INSR: variants seen among roughly 807,000 people sequenced by gnomAD.
INSR encodes the protein insulin receptor, also known as IR.
In INSR, 67 loss-of-function variants were observed where a neutral mutation model predicts 142.6. The observed-to-expected ratio is 0.47, with a 90% CI of 0.39 to 0.58. The LOEUF (loss-of-function observed/expected upper bound fraction) is 0.58. Among genes scored for constraint, INSR ranks in the 20% least tolerant of loss-of-function variants. INSR has a pLI of 0.00. For synonymous variants in INSR, 756 were observed against 743.1 expected, an observed-to-expected ratio of 1.02 and a Z score of -0.28; for missense variants, 1,248 against 1,833.2, an observed-to-expected ratio of 0.68 and a Z score of 5.83.
At chr19:7,243,234 G>GTT (rs1161289283) in intron 2 of INSR, among the ~76,000 whole-genome samples, 15,193 of 68,314 alleles carry the variant, frequency 0.22, 4,192 homozygotes, top group Non-Finnish European at 0.26. Flanking sequence ...CACTGTTTTG[G>GTT]TTTTTTTTTT....
intron 9 of INSR, among the ~76,000 whole-genome samples, chr19:7,162,326 CAAAAAA>C (rs34182944): frequency 4.8e-5 from 3 of 63,098 alleles, no homozygotes; most frequent in South Asian, 5.1e-4. Flanking sequence ...GACCCTGTCT[CAAAAAA>C]AAAAAAAAAA....
chr19:7,153,331 C>CAA (rs1186813419), intron 9 of INSR, among the ~76,000 whole-genome samples: 25 of 100,410 alleles, frequency 2.5e-4, no homozygotes, highest in East Asian at 1.3e-3. Flanking sequence ...ACCACACACA[C>CAA]CCACGCCACA....
At chr19:7,283,954 T>C (rs368869277) in intron 1 of INSR, among the ~76,000 whole-genome samples, 4 of 152,224 alleles carry the variant, frequency 2.6e-5, no homozygotes, top group Admixed American at 1.3e-4. Context: ...GAATCTATAT[T>C]GTTGATTCAT....
rs544455281 is a variant in INSR, at chr19:7,250,001, T to A, written c.652+17344A>T. Reference sequence around the variant, plus strand: ...AGCCAGACTCTGTCTCAAAAAAAAATAAAATAAAATAACTGGGCATGGTGA... The same window carrying A: ...AGCCAGACTCTGTCTCAAAAAAAAAAAAAATAAAATAACTGGGCATGGTGA... On this transcript the variant is annotated intron_variant, in intron 2 of 21. Coordinates refer to ENST00000302850, the MANE Select transcript of INSR (RefSeq NM_000208.4). 4.8e-5 allele frequency among the ~76,000 whole-genome samples: 7 copies of A among 147,152 alleles called. No individual in the cohort carries two copies. The East Asian group carries it at 8.7e-4, about 18-fold the overall frequency.
At chr19:7,271,702 A>G (rs1231025754) in intron 1 of INSR, among the ~76,000 whole-genome samples, 1 of 152,192 alleles carries the variant, frequency 6.6e-6, no homozygotes, top group African/African-American at 2.4e-5. Context: ...ACAAATGTCT[A>G]TAGCAGCATT....
At chr19:7,144,606 G>C (rs1426936868) in intron 11 of INSR, among the ~76,000 whole-genome samples, 1 of 151,764 alleles carries the variant, frequency 6.6e-6, no homozygotes, top group Non-Finnish European at 1.5e-5. Context: ...GTTTCGCCAT[G>C]TTGGCCAGGC....
chr19:7,196,141 G>A (rs567534112), intron 2 of INSR, among the ~76,000 whole-genome samples: 13 of 151,050 alleles, frequency 8.6e-5, no homozygotes, highest in African/African-American at 3.2e-4. Flanking sequence ...CTCCAAGTTG[G>A]TCAGGCTGGT....
chr19:7,286,089 C>A (rs1475594633), intron 1 of INSR, among the ~76,000 whole-genome samples: 1 of 142,702 alleles, frequency 7.0e-6, no homozygotes, highest in Non-Finnish European at 1.5e-5. Context: ...AGGTGATCCT[C>A]CCACCTCAGC....
rs922734048 is a variant in INSR, at chr19:7,208,930, G to A, written c.653-24293C>T. Among the ~76,000 whole-genome samples the A allele has an allele frequency of 3.3e-5, 5 of 152,228 alleles. No homozygotes were observed. In the East Asian group the frequency reaches 9.7e-4, roughly 29 times the overall value. On this transcript the variant is annotated intron_variant, in intron 2 of 21. Coordinates refer to ENST00000302850, the MANE Select transcript of INSR (RefSeq NM_000208.4). ...AAGCAGGAGAATCGCTTGAACAGGGGAGTTGGAAGTTGCAGTGAGCCAAGA... is the reference window on the plus strand; with the variant it reads ...AAGCAGGAGAATCGCTTGAACAGGGAAGTTGGAAGTTGCAGTGAGCCAAGA...
intron 16 of INSR, among the ~76,000 whole-genome samples, chr19:7,126,150 C>T (rs1376245514): frequency 6.6e-6 from 1 of 152,198 alleles, no homozygotes; most frequent in Non-Finnish European, 1.5e-5. Context: ...GCTAGATGGA[C>T]AGAGTGAGGC....
chr19:7,237,424 G>C (rs1976194886), intron 2 of INSR, among the ~76,000 whole-genome samples: 1 of 152,122 alleles, frequency 6.6e-6, no homozygotes, highest in South Asian at 2.1e-4. Flanking sequence ...GGCTGAGGCA[G>C]AAGAATCGCT....
At chr19:7,156,445 G>A (rs377702683) in intron 9 of INSR, among the ~76,000 whole-genome samples, 28 of 152,204 alleles carry the variant, frequency 1.8e-4, no homozygotes, top group East Asian at 1.5e-3. Context: ...GGGTGATTTT[G>A]TCTCCTACTA....
rs114637271 is a variant in INSR at position 7,194,747 on chromosome 19, G to A, written c.653-10110C>T. 3.5e-3 allele frequency among the ~76,000 whole-genome samples: 525 copies of A among 149,256 alleles called. 5 individuals carry two copies. Among genetic ancestry groups the A allele is most frequent in the African/African-American group, 0.012 (493 of 40,466 alleles). On this transcript the variant is annotated intron_variant, in intron 2 of 21. Coordinates refer to ENST00000302850, the MANE Select transcript of INSR (RefSeq NM_000208.4). ...TGTTGGCCAGGCTGGTCTCAAACAC[G>A]TGACCTCCGTCTGCCTTGGCCTCTT... is the stretch of plus-strand genomic sequence containing the variant.
At chr19:7,185,902 G>GA (rs111809278) in intron 2 of INSR, among the ~76,000 whole-genome samples, 17,971 of 122,930 alleles carry the variant, frequency 0.15, 1,648 homozygotes, top group African/African-American at 0.28. Context: ...AGGAAGGAAG[G>GA]AAAAAAAAAA....
At chr19:7,157,303 C>A (rs1349460432) in intron 9 of INSR, among the ~76,000 whole-genome samples, 1 of 149,382 alleles carries the variant, frequency 6.7e-6, no homozygotes, top group African/African-American at 2.5e-5. Flanking sequence ...TTATTAGAGA[C>A]GGGGTTTTGC....
At chr19:7,151,618 C>A (rs914858351) in intron 10 of INSR, among the ~76,000 whole-genome samples, 1 of 151,536 alleles carries the variant, frequency 6.6e-6, no homozygotes, top group African/African-American at 2.4e-5. Flanking sequence ...AAACAGTAAC[C>A]ACTTTGAAGC....
Position 7,152,834 on chromosome 19 carries a change from T to C in INSR, c.2123A>G (p.Glu708Gly). ...GTCTGTCTTTGGACAGGAGCAGCATTCGCCGGCCGAATCCTCATACTCACT... is the reference window on the plus strand; with the variant it reads ...GTCTGTCTTTGGACAGGAGCAGCATCCGCCGGCCGAATCCTCATACTCACT... Reference protein sequence around the residue: ...NQSEYEDSAGECCSCPKTDSQ... With the variant: ...NQSEYEDSAGGCCSCPKTDSQ... Residue 708 changes from glutamate (E) to glycine (G), a missense_variant, in exon 10 of 22, where the codon GAA becomes GGA. By Grantham distance (98) the Glu-to-Gly change is moderately conservative (BLOSUM62 -2). Transcript: ENST00000302850. 10 of 1,613,454 alleles carry C rather than the reference T, an allele frequency of 6.2e-6. No homozygotes were observed. Among genetic ancestry groups the C allele is most frequent in the Non-Finnish European group, 8.5e-6 (10 of 1,179,930 alleles).
At chr19:7,135,304 CTTTTTTT>C (rs34080394) in intron 13 of INSR, among the ~76,000 whole-genome samples, 7 of 60,052 alleles carry the variant, frequency 1.2e-4, no homozygotes, top group Admixed American at 2.1e-4. Context: ...AATGCATCTT[CTTTTTTT>C]TTTTTTTTTT....
intron 6 of INSR, among the ~76,000 whole-genome samples, chr19:7,170,175 G>A (rs61711226): frequency 0.017 from 2,513 of 152,028 alleles, 66 homozygotes; most frequent in African/African-American, 0.057. Flanking sequence ...GATTAGCGGC[G>A]GCATTAGATT....
Sources: gnomAD v4.1 joint callset for allele counts (sites outside exome capture counted in the v4.1 genomes callset) on GRCh38, gnomAD v4.1.1 for gene constraint, MANE v1.5 for transcripts, NCBI Gene and HGNC (gene_info 2026-07-23, HGNC 2026-07-21) for gene names.